The following RHOT1 variants were observed in gnomAD, a reference collection of about 807,000 sequenced individuals.
RHOT1 encodes mitochondrial Rho GTPase 1.
Under a neutral mutation model 95.3 loss-of-function variants are expected in RHOT1, and 27 were observed. The ratio of observed to expected loss-of-function variants is 0.28; its 90% CI spans 0.21 to 0.39. RHOT1 has a LOEUF of 0.39. RHOT1 is among the 10% of genes least tolerant of loss of function. The pLI, the probability that RHOT1 is intolerant of heterozygous loss-of-function variation, is 1.00. For missense variants in RHOT1, 578 were observed against 786.7 expected (o/e 0.73, Z 3.17); for synonymous variants, 227 against 263.5 (o/e 0.86, Z 1.34).
intron 10 of RHOT1, 151 bp from the exon 11 acceptor site, chr17:32,193,836 C>A: frequency 1.1e-6 from 1 of 938,338 alleles, no homozygotes; most frequent in Non-Finnish European, 1.6e-6. Flanking sequence ...AGCTCTGTTT[C>A]ATTGAGATAC....
At chr17:32,214,020 G>A (rs1177710874) in intron 19 of RHOT1, among the ~76,000 whole-genome samples, 4 of 152,146 alleles carry the variant, frequency 2.6e-5, no homozygotes, top group African/African-American at 4.8e-5. Context: ...GAATGAAAAC[G>A]ACAAGTAGAG....
intron 8 of RHOT1, among the ~76,000 whole-genome samples, chr17:32,184,629 T>C (rs2035893821): frequency 6.6e-6 from 1 of 152,036 alleles, no homozygotes; most frequent in Non-Finnish European, 1.5e-5. Context: ...TAGCTAGGAC[T>C]GTAGGCATTC....
chr17:32,186,663 C>T (rs1260495821), intron 8 of RHOT1, among the ~76,000 whole-genome samples: 2 of 151,964 alleles, frequency 1.3e-5, no homozygotes, highest in Non-Finnish European at 2.9e-5. Flanking sequence ...CTGCGCCCGG[C>T]CCCCATTTTT....
At chr17:32,177,607 T>C (rs866607945) in intron 6 of RHOT1, among the ~76,000 whole-genome samples, 1 of 151,502 alleles carries the variant, frequency 6.6e-6, no homozygotes, top group Non-Finnish European at 1.5e-5. Flanking sequence ...ACAAAAAAAT[T>C]AGCTGGGTGT....
At chr17:32,193,328 A>T (rs2036636510) in intron 10 of RHOT1, 84 bp downstream of exon 10, 2 of 821,216 alleles carry the variant, frequency 2.4e-6, no homozygotes, top group East Asian at 5.1e-5. Flanking sequence ...TGCATTATTT[A>T]TACTTTAAGG....
chr17:32,213,150 T>C (rs1293888075), intron 19 of RHOT1, among the ~76,000 whole-genome samples: 5 of 152,236 alleles, frequency 3.3e-5, no homozygotes, highest in African/African-American at 1.2e-4. Flanking sequence ...TCCCCTCCTT[T>C]CTGATGTGTA....
At chr17:32,192,142 C>A in intron 8 of RHOT1, 59 bp from the exon 9 acceptor site, 1 of 837,394 alleles carries the variant, frequency 1.2e-6, no homozygotes, top group Non-Finnish European at 2.0e-6. Context: ...GAATTATTCT[C>A]AGCATTGCTT....
rs562237440 is a variant in RHOT1, at chr17:32,199,139, C to T, written c.954+108C>T. ...GATGTGTATGTTACATAGCCAAAAA[C>T]TGCTTAACCTCTCTAAGTTAAATTC... On this transcript the variant is annotated intron_variant, in intron 12 of 19. Transcript: ENST00000545287. 9.1e-5 allele frequency: 81 copies of T among 885,944 alleles called. No individual in the cohort carries two copies. The Admixed American group carries it at 1.1e-3, about 12-fold the overall frequency. 54.9% of individuals were successfully genotyped at this position (885,944 alleles called of 1,614,324 possible). A position where few individuals can be genotyped will look rare whatever the true frequency, so the allele number is the denominator to read the frequency against.
intron 13 of RHOT1, among the ~76,000 whole-genome samples, chr17:32,200,651 G>A (rs1235622241): frequency 6.6e-6 from 1 of 152,058 alleles, no homozygotes; most frequent in Non-Finnish European, 1.5e-5. Flanking sequence ...GCACATGCCT[G>A]TAGTCCCAGA....
At chr17:32,198,862 A>T in intron 11 of RHOT1, 85 bp from the exon 12 acceptor site, 1 of 883,944 alleles carries the variant, frequency 1.1e-6, no homozygotes. Flanking sequence ...GTTACCTCAC[A>T]AAAGACTTGT....
In RHOT1 at chr17:32,218,231, C is replaced by T. The variant is rs188533694; in HGVS notation, c.1863-6385C>T. Among the ~76,000 whole-genome samples the T allele has an allele frequency of 7.7e-3, 1,176 of 152,014 alleles. 17 individuals are homozygous for T. Among genetic ancestry groups the T allele is most frequent in the African/African-American group, 0.027 (1,114 of 41,486 alleles). ...GGGCCAAGCGCAGTGGCTCATGCGT[C>T]TAATCCCAGCACTTTGGGAGGCAGA... On this transcript the variant is annotated intron_variant, in intron 19 of 19. Coordinates refer to ENST00000545287, the MANE Select transcript of RHOT1 (RefSeq NM_001033566.3).
intron 1 of RHOT1, among the ~76,000 whole-genome samples, chr17:32,149,687 ACT>A (rs1370446243): frequency 2.5e-4 from 36 of 142,520 alleles, no homozygotes; most frequent in Non-Finnish European, 4.7e-4. Flanking sequence ...ACATACATAC[ACT>A]CACACACATA....
chr17:32,208,432 T>C (rs543778213), intron 18 of RHOT1, 123 bp downstream of exon 18: 1 of 982,352 alleles, frequency 1.0e-6, no homozygotes, highest in Non-Finnish European at 1.6e-6. Flanking sequence ...TACTTTGTAA[T>C]GAGAAGGTAC....
chr17:32,155,459 C>A (rs2032860206), intron 1 of RHOT1, among the ~76,000 whole-genome samples: 1 of 151,732 alleles, frequency 6.6e-6, no homozygotes, highest in South Asian at 2.1e-4. Context: ...TGCGCCCAGC[C>A]TAAATGCATT....
chr17:32,156,648 C>T (rs113545763), intron 1 of RHOT1, among the ~76,000 whole-genome samples: 1,734 of 152,310 alleles, frequency 0.011, 34 homozygotes, highest in African/African-American at 0.039. Flanking sequence ...AAGCATATGC[C>T]GTAAGCATTT....
At chr17:32,192,328 G>GTT in intron 9 of RHOT1, 29 bp downstream of exon 9, 1 of 936,968 alleles carries the variant, frequency 1.1e-6, no homozygotes, top group Non-Finnish European at 1.6e-6. Flanking sequence ...AGACATTTGC[G>GTT]TATCTTTTTT....
At chr17:32,206,192 CTTTTTTT>C (rs71144812) in intron 16 of RHOT1, among the ~76,000 whole-genome samples, 15 of 60,522 alleles carry the variant, frequency 2.5e-4, no homozygotes, top group East Asian at 1.9e-3. Flanking sequence ...TCCATAGAAT[CTTTTTTT>C]TTTTTTTTTT....
intron 1 of RHOT1, among the ~76,000 whole-genome samples, chr17:32,155,882 T>G (rs2032916663): frequency 6.6e-6 from 1 of 152,136 alleles, no homozygotes; most frequent in South Asian, 2.1e-4. Flanking sequence ...TATGATGGGT[T>G]TATGGGGAAG....
intron 1 of RHOT1, among the ~76,000 whole-genome samples, chr17:32,158,428 G>A (rs1567659171): frequency 6.6e-6 from 1 of 152,014 alleles, no homozygotes; most frequent in Non-Finnish European, 1.5e-5. Context: ...TTGTTTGTTT[G>A]TTTTTTGTTT....
Sources: allele counts gnomAD v4.1 joint callset (sites outside exome capture counted in the v4.1 genomes callset), GRCh38; gene constraint gnomAD v4.1.1; transcripts MANE v1.5; gene names NCBI Gene and HGNC (gene_info 2026-07-23, HGNC 2026-07-21).